Variants in SAMD12 observed in about 807,000 individuals in gnomAD.
The protein encoded by SAMD12 is sterile alpha motif domain containing 12, also known as sterile alpha motif domain-containing protein 12.
In SAMD12, 9 loss-of-function variants were observed where a neutral mutation model predicts 15.0. The observed-to-expected ratio is 0.60, with a 90% CI of 0.36 to 1.05. The LOEUF (loss-of-function observed/expected upper bound fraction) is 1.05. SAMD12 is among the 50% of genes least tolerant of loss of function. The pLI, the probability that SAMD12 is intolerant of heterozygous loss-of-function variation, is 0.01. For synonymous variants in SAMD12, 86 were observed against 90.1 expected (o/e 0.96, Z 0.25); for missense variants, 230 against 234.2 (o/e 0.98, Z 0.12).
At chr8:118,440,031 T>C in intron 2 of SAMD12, 70 bp from the exon 3 acceptor site, 2 of 1,507,296 alleles carry the variant, frequency 1.3e-6, no homozygotes, top group African/African-American at 1.4e-5. Context: ...TTAAAAGTCT[T>C]AGAGTGTGTT....
downstream of SAMD12, among the ~76,000 whole-genome samples, chr8:118,374,741 A>C (rs1819289943): frequency 6.6e-6 from 1 of 151,994 alleles, no homozygotes; most frequent in South Asian, 2.1e-4. Flanking sequence ...GTTGAGCATC[A>C]CTTCATACGC....
At chr8:118,601,655 C>T (rs930710569) in intron 1 of SAMD12, among the ~76,000 whole-genome samples, 1 of 152,206 alleles carries the variant, frequency 6.6e-6, no homozygotes, top group Non-Finnish European at 1.5e-5. Context: ...ACTGATCCCT[C>T]CCTAAGAATG....
chr8:118,534,153 C>T (rs1825767936), intron 2 of SAMD12, among the ~76,000 whole-genome samples: 1 of 152,176 alleles, frequency 6.6e-6, no homozygotes, highest in Non-Finnish European at 1.5e-5. Context: ...GACAAAATCT[C>T]TCAGCATTTG....
chr8:118,376,126 A>T (rs1819376858), downstream of SAMD12, among the ~76,000 whole-genome samples: 2 of 152,160 alleles, frequency 1.3e-5, no homozygotes, highest in Admixed American at 1.3e-4. Context: ...ATATTTTGAA[A>T]TTGCCTCCAA....
chr8:118,440,612 CT>C (rs35211953), intron 2 of SAMD12, among the ~76,000 whole-genome samples: 2 of 148,228 alleles, frequency 1.3e-5, no homozygotes, highest in South Asian at 2.2e-4. Context: ...TAGTCAAGGT[CT>C]TTTTTTTGTT....
intron 1 of SAMD12, among the ~76,000 whole-genome samples, chr8:118,609,635 A>G: frequency 6.6e-6 from 1 of 152,218 alleles, no homozygotes; most frequent in East Asian, 1.9e-4. Context: ...CACCTAAGAA[A>G]CATTTCTAAC....
At chr8:118,496,915 C>T (rs1824631304) in intron 2 of SAMD12, among the ~76,000 whole-genome samples, 1 of 151,426 alleles carries the variant, frequency 6.6e-6, no homozygotes, top group South Asian at 2.1e-4. Flanking sequence ...GGGCAGAGGA[C>T]ATGAACACAC....
At position 118,572,073 on chromosome 8, in the gene SAMD12, G is replaced by A. The variant is rs148395026; in HGVS notation, c.192+8642C>T. Among the ~76,000 whole-genome samples, 377 of 152,336 alleles carry A rather than the reference G, an allele frequency of 2.5e-3. 1 individual carries two copies. The highest frequency in any genetic ancestry group is 8.7e-3 in the African/African-American group (363 of 41,584). Reference sequence around the variant, plus strand: ...AGGGGTGGAGCTGCCCAAGACCATGGGAACCCACCTCTTGCATCAGCGTGA... The same window carrying A: ...AGGGGTGGAGCTGCCCAAGACCATGAGAACCCACCTCTTGCATCAGCGTGA... On this transcript the variant is annotated intron_variant, in intron 2 of 3. Coordinates refer to ENST00000314727, the MANE Select transcript of SAMD12 (RefSeq NM_207506.3).
chr8:118,324,599 G>C (rs1433942971), intron 4 of SAMD12, among the ~76,000 whole-genome samples: 1 of 152,194 alleles, frequency 6.6e-6, no homozygotes, highest in Non-Finnish European at 1.5e-5. Context: ...AAAACAAGAA[G>C]ATATTGCTGT....
At chr8:118,141,877 G>T in the SAMD12 span, among the ~76,000 whole-genome samples, 1 of 152,178 alleles carries the variant, frequency 6.6e-6, no homozygotes. Flanking sequence ...AAGGGCTAGG[G>T]TCCCACCTTA....
chr8:118,388,899 G>GA (rs1197476673), intron 3 of SAMD12, among the ~76,000 whole-genome samples: 1 of 152,050 alleles, frequency 6.6e-6, no homozygotes, highest in Non-Finnish European at 1.5e-5. Flanking sequence ...GAAAGTCAGA[G>GA]AAAAAAAGAG....
the SAMD12 span, among the ~76,000 whole-genome samples, chr8:118,132,844 A>G: frequency 1.3e-5 from 2 of 151,358 alleles, no homozygotes; most frequent in African/African-American, 4.9e-5. Flanking sequence ...TACCCAAACT[A>G]TAGTATATGC....
intron 4 of SAMD12, among the ~76,000 whole-genome samples, chr8:118,368,360 A>G (rs1006353077): frequency 6.6e-6 from 1 of 152,210 alleles, no homozygotes; most frequent in African/African-American, 2.4e-5. Context: ...TTACTCATCC[A>G]AAATCCTTAT....
chr8:118,552,687 T>A (rs181930708), intron 2 of SAMD12, among the ~76,000 whole-genome samples: 4 of 152,100 alleles, frequency 2.6e-5, no homozygotes, highest in Admixed American at 6.6e-5. Flanking sequence ...CCACGGCAAT[T>A]AGGCAGGAGA....
the SAMD12 span, among the ~76,000 whole-genome samples, chr8:118,132,970 G>GTATA: frequency 1.0e-4 from 7 of 67,528 alleles, no homozygotes; most frequent in Admixed American, 3.3e-4. Context: ...ATGTGTGTGT[G>GTATA]TGTATATATA....
downstream of SAMD12, among the ~76,000 whole-genome samples, chr8:118,188,101 C>T (rs911881725): frequency 1.3e-5 from 2 of 149,858 alleles, no homozygotes; most frequent in Admixed American, 1.3e-4. Flanking sequence ...AAAGGGAGGG[C>T]AAAGGAGATG....
At chr8:118,460,327 C>T (rs1377862321) in intron 2 of SAMD12, among the ~76,000 whole-genome samples, 1 of 152,188 alleles carries the variant, frequency 6.6e-6, no homozygotes, top group East Asian at 1.9e-4. Flanking sequence ...ATTTATTTAA[C>T]ATTTATGAAG....
chr8:118,571,304 A>G lies in SAMD12; in HGVS notation c.192+9411T>C, dbSNP rs199636938. Among the ~76,000 whole-genome samples the G allele has an allele frequency of 1.4e-4, 21 of 152,358 alleles. No individual in the cohort carries two copies. The East Asian group carries it at 4.0e-3, about 29-fold the overall frequency. ...GCAACTCCCTAGAGACTTGTTGAAC[A>G]GCTTTGACAAAAATGCTGACAGTGA... On this transcript the variant is annotated intron_variant, in intron 2 of 3. Coordinates refer to ENST00000314727, the MANE Select transcript of SAMD12 (RefSeq NM_207506.3).
rs201436221 is a variant in SAMD12, at chr8:118,369,762, A to AAAC, written c.433+9795_433+9797dup. Among the ~76,000 whole-genome samples the AAAC allele has an allele frequency of 8.2e-3, 1,240 of 152,128 alleles. 18 individuals are homozygous for AAAC. Among genetic ancestry groups the AAAC allele is most frequent in the African/African-American group, 0.028 (1,173 of 41,512 alleles). On this transcript the variant is annotated intron_variant, in intron 4 of 4. Coordinates refer to the SAMD12 transcript ENST00000409003. ...ACCCACAAAAACAAAAACAAAAATA[A>AAAC]AACAACAACAACAACAACAAAAAAC...
Sources: gnomAD v4.1 joint callset for allele counts (sites outside exome capture counted in the v4.1 genomes callset) on GRCh38, gnomAD v4.1.1 for gene constraint, MANE v1.5 for transcripts, NCBI Gene and HGNC (gene_info 2026-07-23, HGNC 2026-07-21) for gene names.